The following CMC2 variants were observed in gnomAD, a reference collection of about 807,000 sequenced individuals.
The protein encoded by CMC2 is COX assembly mitochondrial protein 2 homolog.
CMC2 carries 5 observed loss-of-function variants against 7.5 expected under a neutral mutation model. The ratio of observed to expected loss-of-function variants is 0.66; its 90% CI spans 0.35 to 1.40. The LOEUF (loss-of-function observed/expected upper bound fraction) is 1.40, where lower values mean the gene tolerates loss of function less well. CMC2 is among the 40% of genes most tolerant of loss of function. The pLI is 0.04. For synonymous variants in CMC2, 37 were observed against 31.4 expected (o/e 1.18, Z -0.60); for missense variants, 115 against 92.3 (o/e 1.25, Z -1.01).
intron 2 of CMC2, among the ~76,000 whole-genome samples, chr16:80,986,146 G>A (rs935300334): frequency 6.6e-6 from 1 of 152,268 alleles, no homozygotes; most frequent in South Asian, 2.1e-4. Context: ...TCAGGAGTTT[G>A]AGGCCAGCCT....
chr16:80,980,820 G>A (rs1967053748), intron 3 of CMC2: 1 of 700,154 alleles, frequency 1.4e-6, no homozygotes, highest in South Asian at 1.5e-5. Context: ...ACTTGAGTTT[G>A]AGGCTTCCGT....
rs2151608686 is a variant in CMC2, at chr16:80,974,960, C to G, written c.*1133G>C. The G allele has an allele frequency of 6.6e-6, 1 of 152,388 alleles. No homozygotes were observed. Among genetic ancestry groups the G allele is most frequent in the East Asian group, 1.9e-4 (1 of 5,188 alleles). 9.4% of individuals were successfully genotyped at this position (152,388 alleles called of 1,614,324 possible). On this transcript the variant is annotated 3_prime_UTR_variant, in exon 4 of 4. Coordinates refer to ENST00000219400, the MANE Select transcript of CMC2 (RefSeq NM_020188.5). The stretch of plus-strand genomic sequence containing the variant: ...GTCACTTATTAAACACCAACACCAA[C>G]AAGGCCTCATGCTGGATATTATACA...
At chr16:80,991,616 G>A (rs897547510) in intron 2 of CMC2, 3 of 192,352 alleles carry the variant, frequency 1.6e-5, no homozygotes, top group African/African-American at 7.2e-5. Flanking sequence ...ACTCCAGCCT[G>A]GAAGACATAG....
intron 1 of CMC2, among the ~76,000 whole-genome samples, chr16:81,006,220 G>A (rs1424162022): frequency 9.4e-6 from 1 of 106,556 alleles, no homozygotes; most frequent in Non-Finnish European, 2.3e-5. Flanking sequence ...AGAAAAAAGA[G>A]TAAAGTGTAC....
intron 2 of CMC2, among the ~76,000 whole-genome samples, chr16:80,992,453 A>G (rs554498322): frequency 1.3e-5 from 2 of 152,352 alleles, no homozygotes; most frequent in South Asian, 4.1e-4. Flanking sequence ...TATAAAGATT[A>G]TAACAATTTG....
At position 80,981,307 on chromosome 16, in the gene CMC2, A is replaced by C. The variant is rs545441650; in HGVS notation, c.153+499T>G. On this transcript the variant is annotated intron_variant, in intron 3 of 3. Transcript: ENST00000219400. Reference sequence around the variant, plus strand: ...TTTGCCCAAGTCCAAGTTGTGCCCTAAAATCAAGTTCAGGAGATGACAGTG... The same window carrying C: ...TTTGCCCAAGTCCAAGTTGTGCCCTCAAATCAAGTTCAGGAGATGACAGTG... Among the ~76,000 whole-genome samples, 6 of 152,310 alleles carry C rather than the reference A, an allele frequency of 3.9e-5. 1 individual carries two copies. In the South Asian group the frequency reaches 1.2e-3, roughly 32 times the overall value.
chr16:80,984,381 T>C (rs921257172), intron 2 of CMC2, among the ~76,000 whole-genome samples: 1 of 152,244 alleles, frequency 6.6e-6, no homozygotes, highest in Non-Finnish European at 1.5e-5. Flanking sequence ...AGACAACACA[T>C]AATTAATAAG....
At chr16:80,991,025 CT>C (rs34157796) in intron 2 of CMC2, among the ~76,000 whole-genome samples, 34,147 of 142,002 alleles carry the variant, frequency 0.24, 4,237 homozygotes, top group African/African-American at 0.36. Flanking sequence ...CCAAGCCTGG[CT>C]TTTTTTTTTT....
At chr16:81,001,731 G>A (rs1344540077) in intron 1 of CMC2, among the ~76,000 whole-genome samples, 1 of 151,866 alleles carries the variant, frequency 6.6e-6, no homozygotes, top group African/African-American at 2.4e-5. Flanking sequence ...CCACTCAACA[G>A]AAACAAAAAA....
intron 2 of CMC2, chr16:80,982,510 T>A (rs1177208105): frequency 1.3e-5 from 1 of 74,820 alleles, no homozygotes; most frequent in Non-Finnish European, 2.3e-5. Flanking sequence ...AAACTCCGTC[T>A]CAGGAAAAAA....
At position 81,006,751 on chromosome 16, in the gene CMC2, C is replaced by G; in HGVS notation, c.-53G>C. On this transcript the variant is annotated 5_prime_UTR_variant, in exon 1 of 4. Coordinates refer to ENST00000219400, the MANE Select transcript of CMC2 (RefSeq NM_020188.5). ...AGACTCACCCGACTCGTGGCCACAC[C>G]GGGAGAACTGAAGCGGCAGTAGCCG... The G allele has an allele frequency of 1.0e-6, 1 of 985,684 alleles. No individual in the cohort carries two copies. The highest frequency in any genetic ancestry group is 1.2e-6 in the Non-Finnish European group (1 of 830,142). The allele number at this position is 985,684 out of a possible 1,614,324, so 61.1% of individuals were successfully genotyped here.
chr16:80,985,526 AAAT>A (rs1967451525), intron 2 of CMC2, among the ~76,000 whole-genome samples: 1 of 152,142 alleles, frequency 6.6e-6, no homozygotes. Flanking sequence ...TGTAATTTTA[AAAT>A]AATTTTTTCT....
At position 80,971,468 on chromosome 16, in the gene CMC2, A is replaced by C. The variant is rs1911907710; in HGVS notation, c.*4625T>G. 1 of 149,788 alleles carries C rather than the reference A, an allele frequency of 6.7e-6. No individual in the cohort carries two copies. Among genetic ancestry groups the C allele is most frequent in the African/African-American group, 2.5e-5 (1 of 40,158 alleles). 9.3% of individuals were successfully genotyped at this position (149,788 alleles called of 1,614,324 possible). ...TATTTTTTTTTTAAAAAAAAAAGGT[A>C]CGCTACCAAAGGCTACACACATCAT... On this transcript the variant is annotated 3_prime_UTR_variant, in exon 4 of 4. Transcript: ENST00000219400.
intron 1 of CMC2, among the ~76,000 whole-genome samples, chr16:81,004,831 T>G (rs1016964171): frequency 6.6e-6 from 1 of 152,214 alleles, no homozygotes; most frequent in African/African-American, 2.4e-5. Flanking sequence ...GGTGGCACAA[T>G]TTTAGAAAAT....
intron 1 of CMC2, among the ~76,000 whole-genome samples, chr16:81,000,525 A>T (rs1355858124): frequency 1.3e-5 from 2 of 152,046 alleles, no homozygotes; most frequent in Non-Finnish European, 2.9e-5. Flanking sequence ...ACAAATTTTA[A>T]AAAAAAGTGG....
chr16:80,990,010 T>A (rs368060247), intron 2 of CMC2, among the ~76,000 whole-genome samples: 1 of 152,238 alleles, frequency 6.6e-6, no homozygotes, highest in African/African-American at 2.4e-5. Flanking sequence ...TTAGTGTAAT[T>A]AGATGACTCA....
At chr16:80,979,234 A>AAAACATCTACAAATTAGAGAAT (rs1257280455) in intron 3 of CMC2, among the ~76,000 whole-genome samples, 2 of 152,238 alleles carry the variant, frequency 1.3e-5, no homozygotes, top group Admixed American at 6.5e-5. Flanking sequence ...AGCAGACAGA[A>AAAACATCTACAAATTAGAGAAT]AAACATCTAC....
intron 3 of CMC2, chr16:80,978,340 T>A: frequency 7.9e-7 from 1 of 1,264,742 alleles, no homozygotes; most frequent in Non-Finnish European, 1.0e-6. Flanking sequence ...GCCAATAAAA[T>A]AAGTTACAAA....
chr16:80,997,523 GA>G, intron 1 of CMC2, 94 bp from the exon 2 acceptor site: 1 of 652,594 alleles, frequency 1.5e-6, no homozygotes, highest in East Asian at 2.8e-5. Context: ...CTTTATCAGA[GA>G]AGTATGTTAA....
Sources: allele counts gnomAD v4.1 joint callset (sites outside exome capture counted in the v4.1 genomes callset), GRCh38; gene constraint gnomAD v4.1.1; transcripts MANE v1.5; gene names NCBI Gene and HGNC (gene_info 2026-07-23, HGNC 2026-07-21).